Variants in MIGA1 observed in about 807,000 individuals in gnomAD.
The protein encoded by MIGA1 is mitoguardin 1, also known as family with sequence similarity 73, member A.
MIGA1 carries 58 observed loss-of-function variants against 82.0 expected under a neutral mutation model. The ratio of observed to expected loss-of-function variants is 0.71; its 90% CI spans 0.57 to 0.88. The LOEUF (loss-of-function observed/expected upper bound fraction) is 0.88. Ranked by LOEUF, MIGA1 falls within the 40% of genes least tolerant of loss-of-function variation. The pLI is 0.00. For missense variants in MIGA1, 751 were observed against 749.1 expected, an observed-to-expected ratio of 1.00 and a Z score of -0.03; for synonymous variants, 249 against 253.6, an observed-to-expected ratio of 0.98 and a Z score of 0.17.
intron 8 of MIGA1, among the ~76,000 whole-genome samples, chr1:77,855,268 C>T (rs957737112): frequency 6.6e-6 from 1 of 152,146 alleles, no homozygotes; most frequent in Non-Finnish European, 1.5e-5. Flanking sequence ...CATTTTTATA[C>T]CAGTACCATG....
intron 7 of MIGA1, among the ~76,000 whole-genome samples, chr1:77,836,204 GAAAGT>G (rs1023812294): frequency 3.3e-5 from 5 of 152,010 alleles, no homozygotes; most frequent in African/African-American, 9.7e-5. Context: ...GGAAAAGAAA[GAAAGT>G]AAAGTCCCTC....
At chr1:77,864,423 C>A (rs1225835399) in intron 13 of MIGA1, among the ~76,000 whole-genome samples, 1 of 151,876 alleles carries the variant, frequency 6.6e-6, no homozygotes, top group Non-Finnish European at 1.5e-5. Flanking sequence ...CACCTGTAAT[C>A]TCAGCACTTT....
intron 2 of MIGA1, among the ~76,000 whole-genome samples, chr1:77,795,188 G>A (rs764710485): frequency 2.0e-5 from 3 of 151,820 alleles, no homozygotes; most frequent in East Asian, 1.9e-4. Flanking sequence ...GGTCTTAAAC[G>A]GCTGACCTCA....
intron 8 of MIGA1, chr1:77,847,721 A>G: frequency 1.3e-6 from 2 of 1,582,408 alleles, no homozygotes; most frequent in Non-Finnish European, 8.7e-7. Context: ...GTGAAGAGGA[A>G]GTACCTAAAT....
At chr1:77,820,107 T>C (rs1052221587) in intron 7 of MIGA1, among the ~76,000 whole-genome samples, 1 of 129,728 alleles carries the variant, frequency 7.7e-6, no homozygotes, top group African/African-American at 3.1e-5. Flanking sequence ...TGTGTAGATC[T>C]TTTTTTTTTT....
At chr1:77,780,042 T>G (rs1265939592) in intron 1 of MIGA1, 1 of 1,146,552 alleles carries the variant, frequency 8.7e-7, no homozygotes, top group Non-Finnish European at 1.1e-6. Context: ...GGAATTGGGA[T>G]GGGCTCGCCA....
chr1:77,838,659 G>A (rs1447331115), intron 7 of MIGA1, among the ~76,000 whole-genome samples: 1 of 152,116 alleles, frequency 6.6e-6, no homozygotes, highest in Non-Finnish European at 1.5e-5. Flanking sequence ...TGTTGGCCAG[G>A]CTGATCTCGA....
At chr1:77,821,390 ATT>A (rs199521038) in intron 7 of MIGA1, among the ~76,000 whole-genome samples, 12 of 137,574 alleles carry the variant, frequency 8.7e-5, no homozygotes, top group African/African-American at 8.0e-5. Flanking sequence ...ATAGTTTTAG[ATT>A]TTTTTTTTTT....
intron 5 of MIGA1, among the ~76,000 whole-genome samples, chr1:77,813,351 A>G (rs540543460): frequency 2.6e-5 from 4 of 152,218 alleles, no homozygotes; most frequent in African/African-American, 9.6e-5. Flanking sequence ...GGTTTCTTCT[A>G]TCTTCCCATT....
At chr1:77,815,601 T>G (rs1683542385) in intron 7 of MIGA1, among the ~76,000 whole-genome samples, 1 of 152,250 alleles carries the variant, frequency 6.6e-6, no homozygotes, top group Admixed American at 6.5e-5. Flanking sequence ...TAAAGAATTA[T>G]GTATGTTGGG....
At chr1:77,862,160 A>C (rs572812131) in intron 12 of MIGA1, 1 of 124,726 alleles carries the variant, frequency 8.0e-6, no homozygotes, top group East Asian at 2.5e-4. Flanking sequence ...ATAGATATAG[A>C]TATTGGTCAG....
At chr1:77,871,100 A>T in intron 14 of MIGA1, among the ~76,000 whole-genome samples, 1 of 7,448 alleles carries the variant, frequency 1.3e-4, no homozygotes, top group Non-Finnish European at 6.6e-4. Flanking sequence ...GAAGGGGGAG[A>T]GGGAGAGGGA....
chr1:77,785,832 A>G (rs1250203865), intron 2 of MIGA1, among the ~76,000 whole-genome samples: 1 of 152,024 alleles, frequency 6.6e-6, no homozygotes, highest in Non-Finnish European at 1.5e-5. Flanking sequence ...TCCCAGGTGT[A>G]TGGTGCAAGC....
intron 14 of MIGA1, among the ~76,000 whole-genome samples, chr1:77,869,056 G>A (rs1031860298): frequency 4.6e-5 from 7 of 151,738 alleles, no homozygotes; most frequent in African/African-American, 1.7e-4. Flanking sequence ...AGTGAACAAA[G>A]GTCTCTGGTT....
chr1:77,851,093 C>T (rs546069740), intron 8 of MIGA1, among the ~76,000 whole-genome samples: 1 of 152,282 alleles, frequency 6.6e-6, no homozygotes, highest in South Asian at 2.1e-4. Context: ...TGGTCTTGAA[C>T]TCCTGACCCT....
intron 2 of MIGA1, among the ~76,000 whole-genome samples, chr1:77,787,472 C>T (rs187363298): frequency 4.8e-4 from 72 of 151,570 alleles, no homozygotes; most frequent in Non-Finnish European, 7.1e-4. Flanking sequence ...ACTGCAGCCT[C>T]GGCCTCCTGG....
intron 14 of MIGA1, chr1:77,868,782 A>G (rs2101967517): frequency 6.6e-6 from 1 of 151,020 alleles, no homozygotes; most frequent in East Asian, 1.9e-4. Context: ...TTTGGCCCTC[A>G]CTAACTAGCT....
At position 77,861,234 on chromosome 1, in the gene MIGA1, A is replaced by G. The variant is rs767469563; in HGVS notation, c.1286A>G (p.Lys429Arg). ...TGTTTTCTTCTTCAGAATCCAAAGA[A>G]GTTTGAAGATGTTTTTGATGAAATG... Residue 429 changes from lysine (K) to arginine (R), a missense_variant, in exon 12 of 16, where the codon AAG becomes AGG. Lys to Arg is a conservative substitution (Grantham distance 26, BLOSUM62 2). Around this residue, in one of 3 missense-constraint regions of MIGA1, gnomAD observed 265 missense variants for 293.6 expected, o/e 0.90. Coordinates refer to ENST00000370791, the MANE Select transcript of MIGA1 (RefSeq NM_198549.4). The G allele has an allele frequency of 6.2e-7, 1 of 1,607,954 alleles. No homozygotes were observed. The highest frequency in any genetic ancestry group is 1.1e-5 in the South Asian group (1 of 90,616).
intron 12 of MIGA1, 142 bp from the exon 13 acceptor site, chr1:77,863,752 T>G (rs1291745932): frequency 3.4e-6 from 2 of 586,592 alleles, no homozygotes; most frequent in Non-Finnish European, 2.8e-6. Context: ...AGCTTTCATA[T>G]TTATCTCTCC....
Sources: gnomAD v4.1 joint callset for allele counts (sites outside exome capture counted in the v4.1 genomes callset) on GRCh38, gnomAD v4.1.1 for gene constraint, gnomAD v4.1.1 regional missense constraint, MANE v1.5 for transcripts, NCBI Gene and HGNC (gene_info 2026-07-23, HGNC 2026-07-21) for gene names.